Variants in SMYD3 observed in about 807,000 individuals in gnomAD.
The protein encoded by SMYD3 is SET and MYND domain containing 3.
SMYD3 carries 36 observed loss-of-function variants against 57.7 expected under a neutral mutation model. That is an observed-to-expected ratio of 0.62 (90% CI 0.48 to 0.82). The LOEUF is 0.82. Among genes scored for constraint, SMYD3 ranks in the 40% least tolerant of loss-of-function variants. The pLI is 0.00. For synonymous variants in SMYD3, 211 were observed against 195.0 expected (o/e 1.08, Z -0.68); for missense variants, 515 against 538.8 (o/e 0.96, Z 0.44).
chr1:246,199,727 C>A (rs139690986), intron 5 of SMYD3, among the ~76,000 whole-genome samples: 1 of 152,178 alleles, frequency 6.6e-6, no homozygotes, highest in African/African-American at 2.4e-5. Context: ...AGGCTTTATC[C>A]AAGGTGGAAG....
chr1:245,926,431 G>T (rs1654389635), intron 7 of SMYD3, among the ~76,000 whole-genome samples: 1 of 152,162 alleles, frequency 6.6e-6, no homozygotes, highest in African/African-American at 2.4e-5. Flanking sequence ...CCTTCTTTTT[G>T]TTGAGAAGAT....
At chr1:246,330,233 G>C (rs1437356793) in intron 4 of SMYD3, among the ~76,000 whole-genome samples, 1 of 152,150 alleles carries the variant, frequency 6.6e-6, no homozygotes, top group Non-Finnish European at 1.5e-5. Flanking sequence ...TTGTCAACTG[G>C]ACTAATGGTT....
At chr1:245,866,718 C>T (rs903032385) in intron 8 of SMYD3, among the ~76,000 whole-genome samples, 26 of 152,060 alleles carry the variant, frequency 1.7e-4, no homozygotes, top group South Asian at 4.1e-4. Flanking sequence ...GACAACAGAG[C>T]GAGACTCTGC....
chr1:246,321,415 A>G (rs1464856978), intron 5 of SMYD3, among the ~76,000 whole-genome samples: 1 of 152,226 alleles, frequency 6.6e-6, no homozygotes, highest in African/African-American at 2.4e-5. Flanking sequence ...TACAGATAAG[A>G]AAATTGAGAT....
chr1:246,170,890 G>A (rs948145425), intron 5 of SMYD3, among the ~76,000 whole-genome samples: 3 of 152,056 alleles, frequency 2.0e-5, no homozygotes, highest in Non-Finnish European at 2.9e-5. Context: ...GTTTGTGACC[G>A]CTAAATACTG....
At chr1:246,265,584 A>ATAGC (rs142583842) in intron 5 of SMYD3, among the ~76,000 whole-genome samples, 4,217 of 152,292 alleles carry the variant, frequency 0.028, 152 homozygotes, top group African/African-American at 0.079. Context: ...TTCAGGGATG[A>ATAGC]TAGCTATTGG....
intron 5 of SMYD3, among the ~76,000 whole-genome samples, chr1:245,986,199 C>A (rs2058701472): frequency 1.2e-5 from 1 of 83,140 alleles, no homozygotes; most frequent in Non-Finnish European, 3.7e-5. Context: ...TACTTCATTT[C>A]TTCAAGGAAC....
At position 246,413,697 on chromosome 1, in the gene SMYD3, G is replaced by A. The variant is rs555208971; in HGVS notation, c.165-58603C>T. On this transcript the variant is annotated intron_variant, in intron 1 of 11. Coordinates refer to ENST00000490107, the MANE Select transcript of SMYD3 (RefSeq NM_001167740.2). ...TTCCTCCATGTGACGGGCCAGCTCCGCTTTGCCTTCTACCATGATTGTAAG... is the reference window on the plus strand; with the variant it reads ...TTCCTCCATGTGACGGGCCAGCTCCACTTTGCCTTCTACCATGATTGTAAG... 4.6e-5 allele frequency among the ~76,000 whole-genome samples: 7 copies of A among 152,108 alleles called. No homozygotes were observed. The East Asian group carries it at 5.8e-4, about 13-fold the overall frequency.
At chr1:245,885,770 C>T (rs4233247) in intron 8 of SMYD3, among the ~76,000 whole-genome samples, 151,959 of 152,326 alleles carry the variant, frequency 1, 75,799 homozygotes, top group Middle Eastern at 1. Context: ...AAGACAATTA[C>T]ATAAAATTAA....
chr1:245,902,167 A>C (rs2054230559), intron 8 of SMYD3, among the ~76,000 whole-genome samples: 1 of 152,190 alleles, frequency 6.6e-6, no homozygotes, highest in African/African-American at 2.4e-5. Context: ...AGCTGGACCA[A>C]GTGGTACAGC....
chr1:245,772,129 G>A (rs1390160113), intron 10 of SMYD3, among the ~76,000 whole-genome samples: 1 of 152,118 alleles, frequency 6.6e-6, no homozygotes, highest in African/African-American at 2.4e-5. Flanking sequence ...CTCTTGTTTG[G>A]TTTCTGATAT....
rs147297003 is a variant in SMYD3, at chr1:246,009,567, T to A, written c.532-79630A>T. 3.4e-3 allele frequency among the ~76,000 whole-genome samples: 498 copies of A among 148,302 alleles called. 2 individuals are homozygous for A. The highest frequency in any genetic ancestry group is 0.012 in the African/African-American group (467 of 40,096). ...GTAACAACGCAAAAGGCAATACTGG[T>A]TTGTGTATATATCATATAGTGGAAA... On this transcript the variant is annotated intron_variant, in intron 5 of 11. Transcript: ENST00000490107.
chr1:245,916,124 G>A (rs2055398434), intron 7 of SMYD3, among the ~76,000 whole-genome samples: 1 of 152,028 alleles, frequency 6.6e-6, no homozygotes, highest in Non-Finnish European at 1.5e-5. Context: ...TCTTTGAAAT[G>A]AGAAAACAGT....
intron 1 of SMYD3, among the ~76,000 whole-genome samples, chr1:246,363,192 C>A (rs1392237457): frequency 6.6e-6 from 1 of 151,666 alleles, no homozygotes; most frequent in Non-Finnish European, 1.5e-5. Context: ...CCGGCAGCCA[C>A]CCCGTCTGGG....
intron 5 of SMYD3, among the ~76,000 whole-genome samples, chr1:246,156,109 C>T (rs1171908830): frequency 1.3e-5 from 2 of 151,710 alleles, no homozygotes; most frequent in Non-Finnish European, 2.9e-5. Flanking sequence ...TGGCTCTTAA[C>T]CTTTGGCTCA....
At chr1:246,282,773 A>G (rs1347067368) in intron 5 of SMYD3, among the ~76,000 whole-genome samples, 2 of 152,246 alleles carry the variant, frequency 1.3e-5, no homozygotes, top group East Asian at 1.9e-4. Context: ...GTTATGGGGA[A>G]AAATGATAAA....
intron 5 of SMYD3, among the ~76,000 whole-genome samples, chr1:245,986,225 T>C (rs370504471): frequency 6.6e-6 from 1 of 152,186 alleles, no homozygotes; most frequent in Non-Finnish European, 1.5e-5. Flanking sequence ...GAGGACCCAC[T>C]GAAATTCAGT....
intron 5 of SMYD3, among the ~76,000 whole-genome samples, chr1:246,005,995 T>C (rs1049088131): frequency 6.6e-6 from 1 of 150,450 alleles, no homozygotes; most frequent in Non-Finnish European, 1.5e-5. Flanking sequence ...TGTGAATGGG[T>C]TTTATATACT....
At chr1:246,489,509 A>C (rs373978894) in intron 1 of SMYD3, among the ~76,000 whole-genome samples, 229 of 152,316 alleles carry the variant, frequency 1.5e-3, no homozygotes, top group African/African-American at 5.4e-3. Flanking sequence ...TAAGAGGCAG[A>C]AGGTTAAACA....
Sources: gnomAD v4.1 joint callset for allele counts (sites outside exome capture counted in the v4.1 genomes callset) on GRCh38, gnomAD v4.1.1 for gene constraint, MANE v1.5 for transcripts, NCBI Gene and HGNC (gene_info 2026-07-23, HGNC 2026-07-21) for gene names.